The following SLC24A4 variants were observed in gnomAD, a reference collection of about 807,000 sequenced individuals.
SLC24A4 encodes the protein sodium/potassium/calcium exchanger 4.
In SLC24A4, 53 loss-of-function variants were observed where a neutral mutation model predicts 79.0. The ratio of observed to expected loss-of-function variants is 0.67; its 90% CI spans 0.54 to 0.84. The LOEUF is 0.84. SLC24A4 is among the 40% of genes least tolerant of loss of function. SLC24A4 has a pLI of 0.00. For synonymous variants in SLC24A4, 323 were observed against 323.8 expected (o/e 1.00, Z 0.03); for missense variants, 731 against 822.0 (o/e 0.89, Z 1.35).
chr14:92,396,410 A>G (rs1026852223), intron 2 of SLC24A4, among the ~76,000 whole-genome samples: 5 of 152,238 alleles, frequency 3.3e-5, no homozygotes, highest in African/African-American at 7.2e-5. Flanking sequence ...AAGTAGAAAC[A>G]GATGAGGTTG....
chr14:92,479,440 C>A (rs1206119921), intron 12 of SLC24A4, among the ~76,000 whole-genome samples: 1 of 152,080 alleles, frequency 6.6e-6, no homozygotes, highest in Non-Finnish European at 1.5e-5. Context: ...TGTCAAATGT[C>A]TTTTCCGTGG....
intron 2 of SLC24A4, among the ~76,000 whole-genome samples, chr14:92,409,489 G>T (rs1468428808): frequency 1.3e-5 from 2 of 152,210 alleles, no homozygotes; most frequent in African/African-American, 2.4e-5. Flanking sequence ...GAGTTCCTTT[G>T]TTCTTAGAGC....
intron 13 of SLC24A4, 31 bp downstream of exon 13, chr14:92,482,877 T>C (rs768586057): frequency 6.3e-7 from 1 of 1,587,740 alleles, no homozygotes; most frequent in South Asian, 1.2e-5. Context: ...GTGGACTGTG[T>C]GCACAGCCAG....
intron 2 of SLC24A4, among the ~76,000 whole-genome samples, chr14:92,379,402 G>C (rs1888698529): frequency 6.6e-6 from 1 of 152,186 alleles, no homozygotes; most frequent in African/African-American, 2.4e-5. Flanking sequence ...AGAACTCAAA[G>C]GCCCCAATCC....
chr14:92,400,571 C>G (rs1244249603), intron 2 of SLC24A4, among the ~76,000 whole-genome samples: 2 of 152,016 alleles, frequency 1.3e-5, no homozygotes, highest in East Asian at 3.9e-4. Context: ...TTGGGGCATG[C>G]AGGACTACGG....
chr14:92,432,552 A>G (rs372281895), intron 2 of SLC24A4, among the ~76,000 whole-genome samples: 4 of 152,150 alleles, frequency 2.6e-5, no homozygotes, highest in Admixed American at 1.3e-4. Context: ...GTCTCTCCCT[A>G]TGTAATTCTC....
intron 12 of SLC24A4, among the ~76,000 whole-genome samples, chr14:92,459,323 C>A (rs1191386207): frequency 6.6e-6 from 1 of 152,214 alleles, no homozygotes; most frequent in East Asian, 1.9e-4. Context: ...GGCCTCTGGA[C>A]AGGTCACTTC....
intron 2 of SLC24A4, among the ~76,000 whole-genome samples, chr14:92,432,755 T>C (rs1891946210): frequency 6.6e-6 from 1 of 152,258 alleles, no homozygotes; most frequent in South Asian, 2.1e-4. Context: ...TTTCTGTGGC[T>C]TGCCGAGAGA....
At chr14:92,407,921 T>G (rs1890491244) in intron 2 of SLC24A4, among the ~76,000 whole-genome samples, 1 of 145,656 alleles carries the variant, frequency 6.9e-6, no homozygotes, top group Non-Finnish European at 1.5e-5. Flanking sequence ...TGGCCAGGTG[T>G]GTTTCCAGTG....
chr14:92,325,277 G>C (rs770450374), intron 1 of SLC24A4, among the ~76,000 whole-genome samples: 2 of 152,350 alleles, frequency 1.3e-5, no homozygotes, highest in Non-Finnish European at 2.9e-5. Flanking sequence ...AGTGTGCTTG[G>C]TTGCGGGCCT....
chr14:92,412,917 G>A (rs1406560798), intron 2 of SLC24A4, among the ~76,000 whole-genome samples: 3 of 152,140 alleles, frequency 2.0e-5, no homozygotes, highest in Non-Finnish European at 4.4e-5. Context: ...AAGTTAAAAA[G>A]GAATACTATT....
intron 1 of SLC24A4, among the ~76,000 whole-genome samples, chr14:92,325,076 A>AT (rs72198500): frequency 0.065 from 9,818 of 152,096 alleles, 397 homozygotes; most frequent in Middle Eastern, 0.13. Flanking sequence ...CAGTGTTTGG[A>AT]TTTTTTTCCC....
Position 92,439,355 on chromosome 14 carries a change from C to T in SLC24A4, c.339C>T (p.Ala113=), listed in dbSNP as rs763706848. ...TGCAGGCTCTGTATATGTTCTATGC[C>T]TTGGCCATAGTGTGCGATGACTTCT... ...HILGALYMFY[A]LAIVCDDFFV... Residue 113 remains alanine, a synonymous_variant, in exon 4 of 17, where the codon GCC becomes GCT. Transcript: ENST00000532405. The T allele has an allele frequency of 6.2e-7, 1 of 1,613,076 alleles. No homozygotes were observed. The highest frequency in any genetic ancestry group is 8.5e-7 in the Non-Finnish European group (1 of 1,179,160).
chr14:92,322,661 C>G (rs1186374184), upstream of SLC24A4: 4 of 152,814 alleles, frequency 2.6e-5, no homozygotes, highest in African/African-American at 9.7e-5. Context: ...TCGCAGATCC[C>G]CAACAGCCCC....
intron 2 of SLC24A4, among the ~76,000 whole-genome samples, chr14:92,381,232 C>T (rs1295198637): frequency 6.6e-6 from 1 of 152,140 alleles, no homozygotes; most frequent in Non-Finnish European, 1.5e-5. Context: ...ACATATACAC[C>T]ATGGAATACT....
intron 2 of SLC24A4, among the ~76,000 whole-genome samples, chr14:92,432,299 C>G (rs1487491894): frequency 3.3e-5 from 5 of 152,182 alleles, no homozygotes; most frequent in Admixed American, 3.3e-4. Flanking sequence ...GGTGATATGT[C>G]CCCAGCAGCA....
In SLC24A4 at chr14:92,470,983, G is replaced by A. The variant is rs532270536; in HGVS notation, c.1256-11697G>A. Among the ~76,000 whole-genome samples, 19 of 152,324 alleles carry A rather than the reference G, an allele frequency of 1.2e-4. No homozygotes were observed. In the South Asian group the frequency reaches 3.7e-3, roughly 30 times the overall value. Reference sequence around the variant, plus strand: ...TTTCCCCTGGGTTGGTTTTATCCCTGTGTTGGCTTTCCTCCACCTAAGCTT... The same window carrying A: ...TTTCCCCTGGGTTGGTTTTATCCCTATGTTGGCTTTCCTCCACCTAAGCTT... On this transcript the variant is annotated intron_variant, in intron 12 of 16. Coordinates refer to ENST00000532405, the MANE Select transcript of SLC24A4 (RefSeq NM_153646.4).
chr14:92,371,132 A>T (rs1238706165), intron 2 of SLC24A4, among the ~76,000 whole-genome samples: 1 of 152,236 alleles, frequency 6.6e-6, no homozygotes, highest in East Asian at 1.9e-4. Flanking sequence ...AACTCAAAGA[A>T]ATCACTTCTC....
At chr14:92,377,096 A>G (rs998112434) in intron 2 of SLC24A4, among the ~76,000 whole-genome samples, 1 of 152,190 alleles carries the variant, frequency 6.6e-6, no homozygotes, top group Non-Finnish European at 1.5e-5. Flanking sequence ...ATGGATGAGA[A>G]AGGTGAGACC....
Sources: allele counts gnomAD v4.1 joint callset (sites outside exome capture counted in the v4.1 genomes callset), GRCh38; gene constraint gnomAD v4.1.1; transcripts MANE v1.5; gene names NCBI Gene and HGNC (gene_info 2026-07-23, HGNC 2026-07-21).